TMEM243: variants seen among roughly 807,000 people sequenced by gnomAD.
TMEM243 encodes the protein transmembrane protein 243, also known as MDR1 and mitochondrial taxol resistance associated.
In TMEM243, 20 loss-of-function variants were observed where a neutral mutation model predicts 15.0. The ratio of observed to expected loss-of-function variants is 1.33; its 90% CI spans 0.94 to 1.93. The LOEUF is 1.93. Among genes scored for constraint, TMEM243 ranks in the 30% most tolerant of loss-of-function variants. The pLI, the probability that TMEM243 is intolerant of heterozygous loss-of-function variation, is 0.00. For synonymous variants in TMEM243, 72 were observed against 52.7 expected, an observed-to-expected ratio of 1.37 and a Z score of -1.59; for missense variants, 156 against 142.1, an observed-to-expected ratio of 1.10 and a Z score of -0.50.
chr7:87,205,162 G>A (rs760757178), intron 1 of TMEM243, among the ~76,000 whole-genome samples: 2 of 152,198 alleles, frequency 1.3e-5, no homozygotes, highest in Non-Finnish European at 2.9e-5. Flanking sequence ...GCAGAGGGGG[G>A]CCTGGGCCCA....
intron 1 of TMEM243, among the ~76,000 whole-genome samples, chr7:87,200,948 T>C (rs571655741): frequency 5.6e-4 from 86 of 152,342 alleles, no homozygotes; most frequent in African/African-American, 1.9e-3. Context: ...GATTTCCTCA[T>C]GGGTGACTTT....
intron 1 of TMEM243, among the ~76,000 whole-genome samples, chr7:87,207,226 A>G (rs1360490449): frequency 6.6e-6 from 1 of 152,236 alleles, no homozygotes; most frequent in African/African-American, 2.4e-5. Flanking sequence ...ACTCCAGCTG[A>G]CAAATCAATC....
At chr7:87,207,994 C>T (rs1329057130) in intron 1 of TMEM243, among the ~76,000 whole-genome samples, 1 of 152,084 alleles carries the variant, frequency 6.6e-6, no homozygotes, top group Non-Finnish European at 1.5e-5. Flanking sequence ...AAACCAACCC[C>T]ATGATTCAAT....
At chr7:87,206,574 C>G (rs1802234557) in intron 1 of TMEM243, among the ~76,000 whole-genome samples, 1 of 152,168 alleles carries the variant, frequency 6.6e-6, no homozygotes, top group Non-Finnish European at 1.5e-5. Context: ...GACTAACAGG[C>G]AGGTAGCATC....
At chr7:87,217,443 G>T (rs1040427440) in intron 1 of TMEM243, among the ~76,000 whole-genome samples, 1 of 152,090 alleles carries the variant, frequency 6.6e-6, no homozygotes, top group African/African-American at 2.4e-5. Flanking sequence ...TCCATTCCTG[G>T]GCCTTACCCT....
rs1053160041 is a variant in TMEM243, at chr7:87,196,362, C to A, written c.*274G>T. On this transcript the variant is annotated 3_prime_UTR_variant, in exon 4 of 4. Coordinates refer to ENST00000257637, the MANE Select transcript of TMEM243 (RefSeq NM_024315.4). ...TGTTTTTACATAGCCTTTTGCCATA[C>A]AATTATAAAAATTTCATTTCAAAAG... is the stretch of plus-strand genomic sequence containing the variant. 3.5e-6 allele frequency: 1 copy of A among 286,850 alleles called. No homozygotes were observed. The highest frequency in any genetic ancestry group is 6.4e-6 in the Non-Finnish European group (1 of 155,968). The allele number at this position is 286,850 out of a possible 1,614,324, so 17.8% of individuals were successfully genotyped here. A position where few individuals can be genotyped will look rare whatever the true frequency, so the allele number is the denominator to read the frequency against.
rs536384446 is a variant in TMEM243 at position 87,197,500 on chromosome 7, A to G, written c.234+441T>C. 7.5e-4 allele frequency among the ~76,000 whole-genome samples: 114 copies of G among 152,066 alleles called. 1 individual carries two copies. The highest frequency in any genetic ancestry group is 2.6e-3 in the African/African-American group (109 of 41,506). On this transcript the variant is annotated intron_variant, in intron 3 of 3. Coordinates refer to ENST00000257637, the MANE Select transcript of TMEM243 (RefSeq NM_024315.4). Reference sequence around the variant, plus strand: ...TTTCCCAGGAGGTTTTGGTGTTAATACCTCCATTTTGGGAAACAAACATGT... The same window carrying G: ...TTTCCCAGGAGGTTTTGGTGTTAATGCCTCCATTTTGGGAAACAAACATGT...
In TMEM243 at chr7:87,196,741, T is replaced by G; in HGVS notation, c.252A>C (p.Gln84His). Residue 84 changes from glutamine (Q) to histidine (H), a missense_variant, in exon 4 of 4, where the codon CAA (glutamine) becomes CAC (histidine). Transcript: ENST00000257637. ...TTCTAAATTTCGGTTCTAAGTCTCCTTGTCGATACCAGTAGATCTAAAAGA... is the reference window on the plus strand; with the variant it reads ...TTCTAAATTTCGGTTCTAAGTCTCCGTGTCGATACCAGTAGATCTAAAAGA... ...TACILIYWYR[Q>H]GDLEPKFRKL... The G allele has an allele frequency of 6.3e-7, 1 of 1,583,210 alleles. No homozygotes were observed. The highest frequency in any genetic ancestry group is 8.6e-7 in the Non-Finnish European group (1 of 1,156,514).
At chr7:87,207,887 TC>T (rs1386354419) in intron 1 of TMEM243, among the ~76,000 whole-genome samples, 3 of 152,102 alleles carry the variant, frequency 2.0e-5, no homozygotes, top group African/African-American at 7.2e-5. Flanking sequence ...GGGAAGCTGT[TC>T]CACATGAGCA....
intron 1 of TMEM243, among the ~76,000 whole-genome samples, chr7:87,201,573 G>A (rs1044305962): frequency 6.6e-6 from 1 of 152,170 alleles, no homozygotes; most frequent in African/African-American, 2.4e-5. Context: ...CTCCAAAGAG[G>A]ATAATAGAGA....
chr7:87,209,688 G>GAC lies in TMEM243; in HGVS notation c.78+9737_78+9738insGT, dbSNP rs1318484178. The stretch of plus-strand genomic sequence containing the variant: ...AGAGAGAGCGAGAGCGAGACACAGC[G>GAC]AGAGAGCGAGACACAGTGAGAGCGA... On this transcript the variant is annotated intron_variant, in intron 1 of 3. Coordinates refer to ENST00000257637, the MANE Select transcript of TMEM243 (RefSeq NM_024315.4). Among the ~76,000 whole-genome samples, 149 of 34,788 alleles carry GAC rather than the reference G, an allele frequency of 4.3e-3. 3 individuals are homozygous for GAC. The highest frequency in any genetic ancestry group is 0.011 in the African/African-American group (141 of 12,834). The allele number at this position is 34,788 out of a possible 152,430, so 22.8% of individuals were successfully genotyped here.
chr7:87,202,119 C>T (rs1801858922), intron 1 of TMEM243, among the ~76,000 whole-genome samples: 1 of 152,150 alleles, frequency 6.6e-6, no homozygotes, highest in Non-Finnish European at 1.5e-5. Flanking sequence ...TGCATTTAAA[C>T]ATTATCTACT....
chr7:87,198,559 A>G (rs930543253), intron 2 of TMEM243: 4 of 171,966 alleles, frequency 2.3e-5, no homozygotes, highest in African/African-American at 9.5e-5. Flanking sequence ...ACTATGGAAA[A>G]TACAGCTTTT....
At chr7:87,200,846 CT>C (rs1801751214) in intron 1 of TMEM243, among the ~76,000 whole-genome samples, 2 of 152,188 alleles carry the variant, frequency 1.3e-5, no homozygotes. Context: ...ACCTAGAGTG[CT>C]AGTGCTGGTC....
intron 1 of TMEM243, among the ~76,000 whole-genome samples, chr7:87,213,574 ATTCTTT>A (rs1467972519): frequency 6.6e-6 from 1 of 152,170 alleles, no homozygotes; most frequent in Non-Finnish European, 1.5e-5. Flanking sequence ...TCATAGCTTT[ATTCTTT>A]TTCTCTTCTT....
intron 1 of TMEM243, among the ~76,000 whole-genome samples, chr7:87,217,561 AGGGGT>A (rs1803198875): frequency 6.6e-6 from 1 of 152,186 alleles, no homozygotes; most frequent in African/African-American, 2.4e-5. Flanking sequence ...ACCTCAGACC[AGGGGT>A]CTCTCTCCCT....
chr7:87,206,058 A>G (rs1169569458), intron 1 of TMEM243, among the ~76,000 whole-genome samples: 1 of 152,202 alleles, frequency 6.6e-6, no homozygotes, highest in Non-Finnish European at 1.5e-5. Context: ...GGTGGCAGGC[A>G]AGAGAGAAAA....
At position 87,198,030 on chromosome 7, in the gene TMEM243, C is replaced by T. The variant is rs1274241378; in HGVS notation, c.145G>A (p.Ala49Thr). The T allele has an allele frequency of 6.2e-7, 1 of 1,612,290 alleles. No individual in the cohort carries two copies. Among genetic ancestry groups the T allele is most frequent in the Admixed American group, 1.7e-5 (1 of 59,936 alleles). Residue 49 changes from alanine to threonine, a missense_variant, in exon 3 of 4, where the codon GCT (alanine) becomes ACT (threonine). Ala to Thr is a moderately conservative substitution (Grantham distance 58, BLOSUM62 0). Transcript: ENST00000257637. ...SLLILVTLIS[A>T]FVFPQLPPKP... Reference sequence around the variant, plus strand: ...GGAGGTAGTTGAGGGAAAACAAAAGCACTTATCAGCGTTACCTGTATGAAG... The same window carrying T: ...GGAGGTAGTTGAGGGAAAACAAAAGTACTTATCAGCGTTACCTGTATGAAG...
chr7:87,200,587 C>T (rs1258400544), intron 1 of TMEM243, among the ~76,000 whole-genome samples: 1 of 152,152 alleles, frequency 6.6e-6, no homozygotes, highest in Non-Finnish European at 1.5e-5. Context: ...AAATGACACA[C>T]AGCAAGTTGC....
Sources: gnomAD v4.1 joint callset for allele counts (sites outside exome capture counted in the v4.1 genomes callset) on GRCh38, gnomAD v4.1.1 for gene constraint, MANE v1.5 for transcripts, NCBI Gene and HGNC (gene_info 2026-07-23, HGNC 2026-07-21) for gene names.